Variants in KLF16 observed in about 807,000 individuals in gnomAD.
The protein encoded by KLF16 is Krueppel-like factor 16.
A neutral mutation model predicts 6.1 loss-of-function variants in KLF16; 6 were observed. The ratio of observed to expected loss-of-function variants is 0.98; its 90% CI spans 0.54 to 1.93. The LOEUF (loss-of-function observed/expected upper bound fraction) is 1.93, where lower values mean the gene tolerates loss of function less well. KLF16 is among the 30% of genes most tolerant of loss of function. The pLI is 0.01. For missense variants in KLF16, 355 were observed against 363.8 expected (o/e 0.98, Z 0.20); for synonymous variants, 211 against 176.5 (o/e 1.20, Z -1.55).
At chr19:1,868,992 CAA>C in the KLF16 span, among the ~76,000 whole-genome samples, 18 of 152,044 alleles carry the variant, frequency 1.2e-4, no homozygotes, top group African/African-American at 4.3e-4. Flanking sequence ...TCAAGACTGT[CAA>C]AGTCATTAAA....
At chr19:1,856,650 C>T (rs1252335294) in intron 1 of KLF16, among the ~76,000 whole-genome samples, 2 of 152,184 alleles carry the variant, frequency 1.3e-5, no homozygotes, top group Non-Finnish European at 2.9e-5. Flanking sequence ...CTGGAAGGGA[C>T]CCCACTCCCA....
intron 1 of KLF16, chr19:1,860,446 T>TG (rs1224281316): frequency 6.6e-6 from 1 of 152,190 alleles, no homozygotes; most frequent in African/African-American, 2.4e-5. Context: ...AAATCACAGG[T>TG]GGGGCTCCTC....
chr19:1,856,478 G>A (rs1410394452), intron 1 of KLF16, among the ~76,000 whole-genome samples: 1 of 152,192 alleles, frequency 6.6e-6, no homozygotes, highest in Non-Finnish European at 1.5e-5. Flanking sequence ...GCTGGAGAGG[G>A]GGAGAGACCA....
At chr19:1,867,557 T>C (rs924300541), upstream of KLF16, among the ~76,000 whole-genome samples, 1 of 151,762 alleles carries the variant, frequency 6.6e-6, no homozygotes, top group Non-Finnish European at 1.5e-5. Context: ...CAGAGCGAGA[T>C]CCTGTCTCTA....
At chr19:1,862,320 A>C (rs2145369447) in intron 1 of KLF16, among the ~76,000 whole-genome samples, 1 of 152,294 alleles carries the variant, frequency 6.6e-6, no homozygotes, top group East Asian at 1.9e-4. Flanking sequence ...GAAGCGCTCC[A>C]ACTACGCGCA....
upstream of KLF16, among the ~76,000 whole-genome samples, chr19:1,864,820 G>A (rs2012158757): frequency 6.6e-6 from 1 of 152,218 alleles, no homozygotes; most frequent in African/African-American, 2.4e-5. Context: ...CGGGGGCACA[G>A]AAACTGGGCG....
chr19:1,874,907 T>C, the KLF16 span: 1 of 152,160 alleles, frequency 6.6e-6, no homozygotes, highest in East Asian at 1.9e-4. Context: ...CAAACGTTTA[T>C]AATAAACATA....
chr19:1,862,596 G>A (rs1278870051), intron 1 of KLF16, among the ~76,000 whole-genome samples: 1 of 151,440 alleles, frequency 6.6e-6, no homozygotes, highest in Non-Finnish European at 1.5e-5. Context: ...CGGCGGCGGC[G>A]ACGCGGTTCC....
the KLF16 span, chr19:1,875,387 G>A: frequency 2.0e-5 from 3 of 152,262 alleles, no homozygotes; most frequent in South Asian, 2.1e-4. Flanking sequence ...AGAGCCCCAA[G>A]TAAAGTAACT....
the KLF16 span, among the ~76,000 whole-genome samples, chr19:1,868,953 C>T: frequency 4.6e-5 from 7 of 152,106 alleles, no homozygotes; most frequent in South Asian, 6.2e-4. Context: ...GATGAGGGGA[C>T]GTTTTACAGA....
At chr19:1,866,637 C>G (rs936910767), upstream of KLF16, among the ~76,000 whole-genome samples, 11 of 151,106 alleles carry the variant, frequency 7.3e-5, no homozygotes, top group African/African-American at 2.7e-4. Flanking sequence ...TTAGCGGGCG[C>G]AGTGGCCTCA....
At chr19:1,868,818 CT>C in the KLF16 span, among the ~76,000 whole-genome samples, 3 of 151,972 alleles carry the variant, frequency 2.0e-5, no homozygotes, top group Non-Finnish European at 4.4e-5. Context: ...AATTTTTGTA[CT>C]TTTACTAGAA....
rs1279979482 is a variant in KLF16, at chr19:1,863,535, G to A, written c.-38C>T. On this transcript the variant is annotated 5_prime_UTR_variant, in exon 1 of 2. Coordinates refer to ENST00000250916, the MANE Select transcript of KLF16 (RefSeq NM_031918.4). ...CGCGCGGCGCGGCGGGCGGAGCGGA[G>A]GCGGCGGGAGCGGCGTCCGTCCGGC... is the stretch of plus-strand genomic sequence containing the variant. 10 of 953,266 alleles carry A rather than the reference G, an allele frequency of 1.0e-5. No homozygotes were observed. In the East Asian group the frequency reaches 6.9e-4, roughly 66 times the overall value. 59.1% of individuals were successfully genotyped at this position (953,266 alleles called of 1,614,324 possible).
intron 1 of KLF16, among the ~76,000 whole-genome samples, chr19:1,858,525 A>G (rs2011999678): frequency 6.6e-6 from 1 of 152,212 alleles, no homozygotes; most frequent in Non-Finnish European, 1.5e-5. Context: ...GTCCCCGGCA[A>G]TGCCCAGCAC....
chr19:1,859,263 C>A (rs2012014642), intron 1 of KLF16, among the ~76,000 whole-genome samples: 1 of 152,070 alleles, frequency 6.6e-6, no homozygotes, highest in African/African-American at 2.4e-5. Context: ...TCAGTTTCCC[C>A]ACCCACCTGT....
At chr19:1,873,195 C>T in the KLF16 span, among the ~76,000 whole-genome samples, 182 of 152,332 alleles carry the variant, frequency 1.2e-3, 1 homozygote, top group Non-Finnish European at 1.3e-3. Context: ...AATGGGACGA[C>T]GGATGAATGC....
the KLF16 span, among the ~76,000 whole-genome samples, chr19:1,869,147 C>T: frequency 6.6e-6 from 1 of 152,156 alleles, no homozygotes; most frequent in Non-Finnish European, 1.5e-5. Flanking sequence ...GAACAGAGAG[C>T]CCGGGGTTTC....
chr19:1,868,642 CTTTTT>C, the KLF16 span, among the ~76,000 whole-genome samples: 2 of 117,580 alleles, frequency 1.7e-5, no homozygotes, highest in African/African-American at 3.2e-5. Flanking sequence ...CCACACCGGG[CTTTTT>C]TTTTTTTTTT....
chr19:1,860,760 C>T (rs2012048673), intron 1 of KLF16, among the ~76,000 whole-genome samples: 1 of 152,222 alleles, frequency 6.6e-6, no homozygotes, highest in Non-Finnish European at 1.5e-5. Flanking sequence ...ACCAGACCAC[C>T]TTCCACTAAA....
Sources: gnomAD v4.1 joint callset for allele counts (sites outside exome capture counted in the v4.1 genomes callset) on GRCh38, gnomAD v4.1.1 for gene constraint, MANE v1.5 for transcripts, NCBI Gene and HGNC (gene_info 2026-07-23, HGNC 2026-07-21) for gene names.